Variants in NME4 observed in about 807,000 individuals in gnomAD.
The protein encoded by NME4 is nucleoside diphosphate kinase D, mitochondrial.
NME4 carries 21 observed loss-of-function variants against 16.4 expected under a neutral mutation model. That is an observed-to-expected ratio of 1.28 (90% CI 0.91 to 1.84). The LOEUF is 1.84. Among genes scored for constraint, NME4 ranks in the 40% most tolerant of loss-of-function variants. The pLI is 0.00. For missense variants in NME4, 316 were observed against 261.3 expected (o/e 1.21, Z -1.44); for synonymous variants, 132 against 107.5 (o/e 1.23, Z -1.41).
intron 4 of NME4, 156 bp from the exon 5 acceptor site, chr16:400,062 TG>T: frequency 8.6e-7 from 1 of 1,159,738 alleles, no homozygotes; most frequent in Non-Finnish European, 1.3e-6. Flanking sequence ...GAGGCCAGGC[TG>T]GAACCCGGTT....
At position 399,385 on chromosome 16, in the gene NME4, G is replaced by A. The variant is rs768364420; in HGVS notation, c.232G>A (p.Glu78Lys). 1.9e-6 allele frequency: 3 copies of A among 1,612,830 alleles called. No homozygotes were observed. In the African/African-American group the frequency reaches 4.0e-5, roughly 22 times the overall value. ...LVGMKMLQAP[E>K]SVLAEHYQDL... Reference sequence around the variant, plus strand: ...TTACCTCAATGCCACCCAGGCACCAGAGAGCGTCCTTGCCGAGCACTACCA... The same window carrying A: ...TTACCTCAATGCCACCCAGGCACCAAAGAGCGTCCTTGCCGAGCACTACCA... The change falls in exon 3 of 5, where the codon GAG becomes AAG. Residue 78 changes from glutamate (E) to lysine (K), a missense_variant. Transcript: ENST00000219479.
At chr16:399,993 G>T in intron 4 of NME4, 1 of 707,220 alleles carries the variant, frequency 1.4e-6, no homozygotes. Context: ...GGCAACTTGG[G>T]GGGAAATGAG....
At chr16:400,112 C>T in intron 4 of NME4, 107 bp from the exon 5 acceptor site, 1 of 1,502,400 alleles carries the variant, frequency 6.7e-7, no homozygotes, top group Non-Finnish European at 9.2e-7. Flanking sequence ...TCTGCAGTCA[C>T]AGGCTTGCTC....
rs771850439 is a variant in NME4, at chr16:400,520, A to G, written c.*178A>G. 9.0e-6 allele frequency: 6 copies of G among 665,080 alleles called. No homozygotes were observed. Among genetic ancestry groups the G allele is most frequent in the Non-Finnish European group, 1.4e-5 (6 of 417,842 alleles). The allele number at this position is 665,080 out of a possible 1,614,324, so 41.2% of individuals were successfully genotyped here. A position where few individuals can be genotyped will look rare whatever the true frequency, so the allele number is the denominator to read the frequency against. ...AACTTCAGTGCCTTTCTGTACCCCAAGCCAGCACAAGATTGGACCAATCCT... is the reference window on the plus strand; with the variant it reads ...AACTTCAGTGCCTTTCTGTACCCCAGGCCAGCACAAGATTGGACCAATCCT... On this transcript the variant is annotated 3_prime_UTR_variant, in exon 5 of 5. Transcript: ENST00000219479.
chr16:397,864 C>G (rs770510991), intron 1 of NME4: 28 of 1,553,390 alleles, frequency 1.8e-5, no homozygotes, highest in Middle Eastern at 1.8e-4. Flanking sequence ...CCTCACAGGA[C>G]GATCCATGTC....
rs777785469 is a variant in NME4, at chr16:400,336, A to G, written c.558A>G (p.Pro186=). Residue 186 remains proline, a synonymous_variant, in exon 5 of 5, where the codon CCA becomes CCG. Transcript: ENST00000219479. ...ADGGQHSSIH[P]A The stretch of plus-strand genomic sequence containing the variant: ...GGGGCCAGCACAGCAGCATCCACCC[A>G]GCCTGAGGCTCAAGCTGCCCTTACC... The G allele has an allele frequency of 1.2e-5, 19 of 1,601,532 alleles. No individual in the cohort carries two copies. In the South Asian group the frequency reaches 1.7e-4, roughly 14 times the overall value.
At chr16:398,383 C>A in intron 1 of NME4, 1 of 1,254,230 alleles carries the variant, frequency 8.0e-7, no homozygotes, top group Non-Finnish European at 1.0e-6. Context: ...CAGGGCTCAC[C>A]TGGTGGGGAA....
chr16:397,380 T>C (rs1483865756), intron 1 of NME4, 67 bp downstream of exon 1: 2 of 603,448 alleles, frequency 3.3e-6, no homozygotes, highest in East Asian at 2.0e-4. Context: ...GCTCGGCCTT[T>C]GTGCGCGCAC....
chr16:397,836 C>G (rs1277550018), intron 1 of NME4: 1 of 1,535,460 alleles, frequency 6.5e-7, no homozygotes, highest in African/African-American at 1.4e-5. Context: ...CGCCGCTGCC[C>G]GGCCCCCCCA....
Position 399,082 on chromosome 16 carries a change from G to C in NME4, c.184G>C (p.Glu62Gln). Residue 62 changes from glutamate (E) to glutamine (Q), a missense_variant, in exon 2 of 5, where the codon GAG becomes CAG. Glu to Gln is a conservative substitution (Grantham distance 29). Coordinates refer to ENST00000219479, the MANE Select transcript of NME4 (RefSeq NM_005009.3). ...CGTTGGGGACGTGATCCAGCGCTTT[G>C]AGAGGCGGGGCTTCACGCTGGTGGG... ...RLVGDVIQRF[E>Q]RRGFTLVGMK... is the part of the protein sequence containing the mutation. The C allele has an allele frequency of 6.2e-7, 1 of 1,601,418 alleles. No individual in the cohort carries two copies. Among genetic ancestry groups the C allele is most frequent in the Non-Finnish European group, 8.5e-7 (1 of 1,177,812 alleles).
chr16:398,196 T>C (rs1440739713), intron 1 of NME4: 2 of 1,485,832 alleles, frequency 1.3e-6, no homozygotes, highest in African/African-American at 2.8e-5. Context: ...ACGTCTTCTG[T>C]TTCCCTGGCA....
Position 400,518 on chromosome 16 carries a change from C to A in NME4, c.*176C>A. On this transcript the variant is annotated 3_prime_UTR_variant, in exon 5 of 5. Coordinates refer to ENST00000219479, the MANE Select transcript of NME4 (RefSeq NM_005009.3). ...CCAACTTCAGTGCCTTTCTGTACCCCAAGCCAGCACAAGATTGGACCAATC... is the reference window on the plus strand; with the variant it reads ...CCAACTTCAGTGCCTTTCTGTACCCAAAGCCAGCACAAGATTGGACCAATC... The A allele has an allele frequency of 1.5e-6, 1 of 666,790 alleles. No homozygotes were observed. Among genetic ancestry groups the A allele is most frequent in the Non-Finnish European group, 2.4e-6 (1 of 418,548 alleles). 41.3% of individuals were successfully genotyped at this position (666,790 alleles called of 1,614,324 possible).
At chr16:397,998 AG>A (rs1323607515) in intron 1 of NME4, 2 of 1,541,542 alleles carry the variant, frequency 1.3e-6, no homozygotes, top group Admixed American at 3.9e-5. Flanking sequence ...CAAACCAACC[AG>A]GGGGTCTTCC....
intron 1 of NME4, chr16:398,325 C>G: frequency 7.6e-7 from 1 of 1,316,964 alleles, no homozygotes; most frequent in East Asian, 5.0e-5. Context: ...GGACAGAACC[C>G]TGCTACCTTC....
At chr16:397,165 C>T, upstream of NME4, 2 of 770,596 alleles carry the variant, frequency 2.6e-6, no homozygotes, top group Non-Finnish European at 3.2e-6. Context: ...GGGTCTCGGG[C>T]TGGCACCGCC....
chr16:397,877 A>G (rs1038907504), intron 1 of NME4: 40 of 1,554,794 alleles, frequency 2.6e-5, no homozygotes, highest in Non-Finnish European at 3.5e-5. Flanking sequence ...TCCATGTCCC[A>G]GGGCTCCCTC....
At position 399,754 on chromosome 16, in the gene NME4, A is replaced by G; in HGVS notation, c.440+15A>G. The stretch of plus-strand genomic sequence containing the variant: ...CACATCAGCAGGTACGGGGGTCCTG[A>G]TACACCAGGCTGCTGCTGGGGGCAA... On this transcript the variant is annotated intron_variant, in intron 4 of 4. Coordinates refer to ENST00000219479, the MANE Select transcript of NME4 (RefSeq NM_005009.3). 3 of 1,600,646 alleles carry G rather than the reference A, an allele frequency of 1.9e-6. No individual in the cohort carries two copies. The highest frequency in any genetic ancestry group is 1.7e-6 in the Non-Finnish European group (2 of 1,169,080).
intron 1 of NME4, 43 bp downstream of exon 1, chr16:397,356 A>G (rs2141783454): frequency 2.5e-6 from 2 of 785,520 alleles, no homozygotes; most frequent in East Asian, 8.1e-5. Context: ...GGAGGGGAGG[A>G]AGGGGCGCGC....
intron 3 of NME4, 53 bp from the exon 4 acceptor site, chr16:399,574 C>T (rs111869654): frequency 0.013 from 20,470 of 1,593,376 alleles, 151 homozygotes; most frequent in Non-Finnish European, 0.016. Flanking sequence ...TGGATTGAGC[C>T]CAGGGGCCCT....
Sources: allele counts gnomAD v4.1 joint callset, GRCh38; gene constraint gnomAD v4.1.1; transcripts MANE v1.5; gene names NCBI Gene and HGNC (gene_info 2026-07-23, HGNC 2026-07-21).